The following MYT1L variants were observed in gnomAD, a reference collection of about 807,000 sequenced individuals.
MYT1L encodes myelin transcription factor 1-like protein.
In MYT1L, 12 loss-of-function variants were observed where a neutral mutation model predicts 126.7. That is an observed-to-expected ratio of 0.09 (90% CI 0.06 to 0.15). The LOEUF (loss-of-function observed/expected upper bound fraction) is 0.15, where lower values mean the gene tolerates loss of function less well. MYT1L is among the 10% of genes least tolerant of loss of function. MYT1L has a pLI of 1.00. For missense variants in MYT1L, 979 were observed against 1,585.2 expected (o/e 0.62, Z 6.49); for synonymous variants, 541 against 604.2 (o/e 0.90, Z 1.53).
intron 19 of MYT1L, among the ~76,000 whole-genome samples, chr2:1,850,746 T>C (rs1214056635): frequency 1.3e-5 from 2 of 152,112 alleles, no homozygotes; most frequent in Non-Finnish European, 2.9e-5. Context: ...TGGCCGGCCA[T>C]CAGCAATGAC....
At chr2:1,999,405 C>T (rs895360373) in intron 4 of MYT1L, among the ~76,000 whole-genome samples, 3 of 152,048 alleles carry the variant, frequency 2.0e-5, no homozygotes, top group African/African-American at 7.3e-5. Context: ...TAAGATATCG[C>T]TACATCAACT....
At chr2:2,072,536 A>G (rs899310704) in intron 3 of MYT1L, among the ~76,000 whole-genome samples, 6 of 152,202 alleles carry the variant, frequency 3.9e-5, no homozygotes, top group Admixed American at 3.9e-4. Flanking sequence ...ACAAAATAGC[A>G]TAACCTTGGT....
At chr2:2,263,290 G>A (rs2095035358) in intron 2 of MYT1L, among the ~76,000 whole-genome samples, 1 of 151,910 alleles carries the variant, frequency 6.6e-6, no homozygotes, top group African/African-American at 2.4e-5. Flanking sequence ...CTGGCAGAGA[G>A]CGAGGAGGGC....
intron 21 of MYT1L, among the ~76,000 whole-genome samples, chr2:1,836,246 T>A (rs2040855965): frequency 6.6e-6 from 1 of 151,700 alleles, no homozygotes; most frequent in African/African-American, 2.4e-5. Context: ...TGCACCCCAA[T>A]ATTCATCAGC....
intron 3 of MYT1L, among the ~76,000 whole-genome samples, chr2:2,159,966 T>C (rs1457001648): frequency 2.0e-5 from 3 of 152,158 alleles, no homozygotes; most frequent in Non-Finnish European, 4.4e-5. Flanking sequence ...CACCCTGCGA[T>C]AGCACCCAGG....
At chr2:2,184,250 TTAA>T (rs1356882376) in intron 2 of MYT1L, among the ~76,000 whole-genome samples, 1 of 152,190 alleles carries the variant, frequency 6.6e-6, no homozygotes, top group Non-Finnish European at 1.5e-5. Flanking sequence ...TATATTCTTA[TTAA>T]TGACATACAA....
intron 9 of MYT1L, among the ~76,000 whole-genome samples, chr2:1,940,901 T>C (rs926493505): frequency 2.0e-5 from 3 of 152,244 alleles, no homozygotes; most frequent in Non-Finnish European, 4.4e-5. Context: ...TTAGAAATCC[T>C]GGGTCCTGAG....
chr2:2,115,733 C>T lies in MYT1L; in HGVS notation c.-304+57139G>A, dbSNP rs559022342. ...TAGGAGGGCGCTGCCAAGGCAAGGC[C>T]CCCGCGGGAGTGTCGGGGTGGGGAC... On this transcript the variant is annotated intron_variant, in intron 3 of 24. Coordinates refer to ENST00000647738, the MANE Select transcript of MYT1L (RefSeq NM_001303052.2). Among the ~76,000 whole-genome samples, 72 of 152,314 alleles carry T rather than the reference C, an allele frequency of 4.7e-4. 1 individual carries two copies. In the South Asian group the frequency reaches 0.014, roughly 30 times the overall value.
chr2:2,328,229 T>C (rs1455309789), intron 1 of MYT1L, among the ~76,000 whole-genome samples: 1 of 152,150 alleles, frequency 6.6e-6, no homozygotes, highest in African/African-American at 2.4e-5. Context: ...CTATTAAACA[T>C]TGACACAGAA....
intron 21 of MYT1L, 33 bp downstream of exon 21, chr2:1,839,116 C>T: frequency 6.4e-7 from 1 of 1,566,850 alleles, no homozygotes; most frequent in Non-Finnish European, 8.7e-7. Flanking sequence ...GCGGCACCAT[C>T]CCAGCCAGGG....
chr2:2,052,596 A>T (rs1197789317), intron 4 of MYT1L, among the ~76,000 whole-genome samples: 1 of 152,204 alleles, frequency 6.6e-6, no homozygotes, highest in Non-Finnish European at 1.5e-5. Flanking sequence ...AAAAACAAAT[A>T]ACTGATTAAG....
intron 2 of MYT1L, among the ~76,000 whole-genome samples, chr2:2,204,856 T>C (rs889218354): frequency 5.7e-4 from 87 of 151,962 alleles, no homozygotes; most frequent in Non-Finnish European, 9.7e-4. Context: ...AGACTTGGAA[T>C]CAACCCAAAT....
intron 3 of MYT1L, among the ~76,000 whole-genome samples, chr2:2,077,264 G>T (rs1030392139): frequency 6.6e-6 from 1 of 152,060 alleles, no homozygotes; most frequent in African/African-American, 2.4e-5. Context: ...AGAAGAAAAG[G>T]GGGGACAAAA....
intron 2 of MYT1L, among the ~76,000 whole-genome samples, chr2:2,177,315 T>C (rs2090920537): frequency 6.6e-6 from 1 of 152,226 alleles, no homozygotes; most frequent in South Asian, 2.1e-4. Context: ...CAATGCAATA[T>C]TGTGTATAAT....
intron 3 of MYT1L, among the ~76,000 whole-genome samples, chr2:2,100,727 G>A (rs935779054): frequency 6.6e-6 from 1 of 152,088 alleles, no homozygotes; most frequent in Non-Finnish European, 1.5e-5. Flanking sequence ...CCTGGGTAAT[G>A]GTGAGACATC....
At chr2:1,892,907 C>CT (rs573933876) in intron 14 of MYT1L, among the ~76,000 whole-genome samples, 4 of 152,076 alleles carry the variant, frequency 2.6e-5, no homozygotes, top group Non-Finnish European at 5.9e-5. Flanking sequence ...GTCCAACATC[C>CT]TTTTTTTTCT....
chr2:1,911,474 T>C (rs961445486), intron 12 of MYT1L, among the ~76,000 whole-genome samples: 1 of 152,186 alleles, frequency 6.6e-6, no homozygotes, highest in Non-Finnish European at 1.5e-5. Flanking sequence ...AACTCAGATC[T>C]TTCACAAACA....
intron 2 of MYT1L, among the ~76,000 whole-genome samples, chr2:2,232,538 T>G (rs2094186120): frequency 6.6e-6 from 1 of 152,244 alleles, no homozygotes; most frequent in Non-Finnish European, 1.5e-5. Context: ...TCAAGGCTTC[T>G]ATGAGTTTTT....
intron 9 of MYT1L, among the ~76,000 whole-genome samples, chr2:1,937,201 C>G (rs933664463): frequency 6.6e-6 from 1 of 152,198 alleles, no homozygotes; most frequent in African/African-American, 2.4e-5. Flanking sequence ...TCCTGTTCGA[C>G]TCCCCTGACC....
Sources: gnomAD v4.1 joint callset for allele counts (sites outside exome capture counted in the v4.1 genomes callset) on GRCh38, gnomAD v4.1.1 for gene constraint, MANE v1.5 for transcripts, NCBI Gene and HGNC (gene_info 2026-07-23, HGNC 2026-07-21) for gene names.